IL13RA1: variants seen among roughly 807,000 people sequenced by gnomAD.
IL13RA1 encodes the protein interleukin-13 receptor subunit alpha-1.
In IL13RA1, 14 loss-of-function variants were observed where a neutral mutation model predicts 33.8. That is an observed-to-expected ratio of 0.41 (90% CI 0.27 to 0.65). IL13RA1 has a LOEUF of 0.65. Ranked by LOEUF, IL13RA1 falls within the 30% of genes least tolerant of loss-of-function variation. IL13RA1 has a pLI of 0.28. For missense variants in IL13RA1, 313 were observed against 327.0 expected, an observed-to-expected ratio of 0.96 and a Z score of 0.33; for synonymous variants, 116 against 115.7, an observed-to-expected ratio of 1.00 and a Z score of -0.02.
At chrX:118,742,759 G>A (rs2017358765) in intron 2 of IL13RA1, among the ~76,000 whole-genome samples, 1 of 110,882 alleles carries the variant, frequency 9.0e-6, no homozygotes, top group Non-Finnish European at 1.9e-5. Context: ...TTGGCGGGGG[G>A]CGGGTAATAA....
chrX:118,764,365 A>G (rs956213551), intron 6 of IL13RA1, among the ~76,000 whole-genome samples: 3 of 110,074 alleles, frequency 2.7e-5, no homozygotes, highest in African/African-American at 9.9e-5. Context: ...GGTCCAGGGG[A>G]GGAGGGACAT....
At chrX:118,746,703 C>T (rs1481717910) in intron 2 of IL13RA1, among the ~76,000 whole-genome samples, 2 of 109,953 alleles carry the variant, frequency 1.8e-5, no homozygotes, top group Admixed American at 9.8e-5. Context: ...TGTTTAGCAG[C>T]GTCCTTGACC....
intron 1 of IL13RA1, among the ~76,000 whole-genome samples, chrX:118,732,737 T>A (rs2017237019): frequency 8.9e-6 from 1 of 111,969 alleles, no homozygotes; most frequent in South Asian, 3.7e-4. Flanking sequence ...GATGAACTCA[T>A]CCTTTTTTAT....
At chrX:118,735,488 A>G (rs1352264439) in intron 1 of IL13RA1, among the ~76,000 whole-genome samples, 4 of 112,144 alleles carry the variant, frequency 3.6e-5, no homozygotes, top group Admixed American at 9.5e-5. Context: ...TGCATCGTCT[A>G]CATTTTAGAT....
At chrX:118,800,663 G>A in the IL13RA1 span, among the ~76,000 whole-genome samples, 1 of 111,512 alleles carries the variant, frequency 9.0e-6, no homozygotes, top group Non-Finnish European at 1.9e-5. Flanking sequence ...TCGGGACAGT[G>A]GCATGATCAC....
intron 2 of IL13RA1, among the ~76,000 whole-genome samples, chrX:118,746,687 G>A (rs1265489841): frequency 9.1e-6 from 1 of 110,209 alleles, no homozygotes; most frequent in Admixed American, 9.8e-5. Context: ...TGTGTGCATT[G>A]TAGGATGTTT....
At position 118,792,671 on chromosome X, in the gene IL13RA1, CAAAA is replaced by C. The variant is rs1443168969; in HGVS notation, c.*821_*824del. Reference sequence around the variant, plus strand: ...AAAAACAAAACAAAACAAAACAAAACAAAAAAACCTCTTAATATTCTGGAGTCAT... The same window carrying C: ...AAAAACAAAACAAAACAAAACAAAACAAACCTCTTAATATTCTGGAGTCAT... On this transcript the variant is annotated 3_prime_UTR_variant, in exon 11 of 11. Coordinates refer to ENST00000371666, the MANE Select transcript of IL13RA1 (RefSeq NM_001560.3). The C allele has an allele frequency of 8.9e-6, 1 of 112,132 alleles. No individual in the cohort carries two copies. The highest frequency in any genetic ancestry group is 9.5e-5 in the Admixed American group (1 of 10,505). 9.2% of individuals were successfully genotyped at this position (112,132 alleles called of 1,213,427 possible). A position where few individuals can be genotyped will look rare whatever the true frequency, so the allele number is the denominator to read the frequency against.
rs765835021 is a variant in IL13RA1, at chrX:118,757,678, C to CTTT, written c.489-349_489-347dup. Among the ~76,000 whole-genome samples the CTTT allele has an allele frequency of 3.4e-3, 200 of 58,354 alleles. 30 individuals are homozygous for CTTT. The highest frequency in any genetic ancestry group is 6.7e-3 in the Admixed American group (30 of 4,462). The allele number at this position is 58,354 out of a possible 115,157, so 50.7% of individuals were successfully genotyped here. The stretch of plus-strand genomic sequence containing the variant: ...TCTCAGTCATTAAAAAGAATTCTGC[C>CTTT]TTTTTTTTTTTTTTTTTTTTTTTTT... On this transcript the variant is annotated intron_variant, in intron 4 of 10. Coordinates refer to ENST00000371666, the MANE Select transcript of IL13RA1 (RefSeq NM_001560.3).
intron 10 of IL13RA1, among the ~76,000 whole-genome samples, chrX:118,786,213 AC>A (rs1162218235): frequency 1.8e-5 from 2 of 109,843 alleles, no homozygotes; most frequent in Non-Finnish European, 3.8e-5. Context: ...ACATAGCAAA[AC>A]CCCGTCTCTA....
rs949591263 is a variant in IL13RA1 at position 118,794,200 on chromosome X, T to C, written c.*2346T>C. The C allele has an allele frequency of 5.4e-5, 6 of 111,723 alleles. No homozygotes were observed. The highest frequency in any genetic ancestry group is 1.1e-4 in the Non-Finnish European group (6 of 53,104). 9.2% of individuals were successfully genotyped at this position (111,723 alleles called of 1,213,427 possible). A position where few individuals can be genotyped will look rare whatever the true frequency, so the allele number is the denominator to read the frequency against. On this transcript the variant is annotated 3_prime_UTR_variant, in exon 11 of 11. Coordinates refer to ENST00000371666, the MANE Select transcript of IL13RA1 (RefSeq NM_001560.3). ...GGAAAAGGGAGGGAAAAGGAAGTTATGGGAATACCTGTGGTGGTTGTGATC... is the reference window on the plus strand; with the variant it reads ...GGAAAAGGGAGGGAAAAGGAAGTTACGGGAATACCTGTGGTGGTTGTGATC...
chrX:118,743,635 T>C (rs185080114), intron 2 of IL13RA1, among the ~76,000 whole-genome samples: 1 of 112,087 alleles, frequency 8.9e-6, no homozygotes, highest in Non-Finnish European at 1.9e-5. Flanking sequence ...CCTTTCTTTT[T>C]GAGAAAGGAA....
chrX:118,758,271 A>G (rs750262137), intron 5 of IL13RA1, 29 bp downstream of exon 5: 4 of 642,713 alleles, frequency 6.2e-6, no homozygotes, highest in Non-Finnish European at 7.2e-6. Context: ...CTAAAACAGT[A>G]TGGATAAAAA....
At chrX:118,760,376 A>T (rs73591295) in intron 5 of IL13RA1, among the ~76,000 whole-genome samples, 3,370 of 111,974 alleles carry the variant, frequency 0.03, 123 homozygotes, top group African/African-American at 0.1. Context: ...TCAGAGACTA[A>T]GCCAATGTTT....
chrX:118,728,910 G>T (rs2017186207), intron 1 of IL13RA1, among the ~76,000 whole-genome samples: 1 of 111,688 alleles, frequency 9.0e-6, no homozygotes, highest in Non-Finnish European at 1.9e-5. Context: ...AGGGTGGATC[G>T]AGAAGAAAAC....
At chrX:118,770,805 C>A in intron 8 of IL13RA1, 1 of 309,935 alleles carries the variant, frequency 3.2e-6, no homozygotes, top group South Asian at 3.1e-5. Context: ...TCATGCTGGT[C>A]ATCTACATTA....
chrX:118,735,031 ATG>A (rs1177521472), intron 1 of IL13RA1, among the ~76,000 whole-genome samples: 2 of 110,911 alleles, frequency 1.8e-5, no homozygotes, highest in Non-Finnish European at 1.9e-5. Flanking sequence ...GTTTCTGGAA[ATG>A]TGTCCATTTC....
intron 8 of IL13RA1, among the ~76,000 whole-genome samples, chrX:118,771,464 T>C (rs754035751): frequency 7.1e-5 from 8 of 112,280 alleles, no homozygotes; most frequent in Non-Finnish European, 1.3e-4. Flanking sequence ...TGCTTGAAAC[T>C]GTGTTTTAAC....
intron 4 of IL13RA1, among the ~76,000 whole-genome samples, chrX:118,754,098 T>G (rs1289348062): frequency 1.8e-5 from 2 of 111,518 alleles, no homozygotes; most frequent in African/African-American, 6.5e-5. Flanking sequence ...ATTCTGTATC[T>G]TATCCCCTTA....
At chrX:118,790,440 T>C (rs757110521) in intron 10 of IL13RA1, among the ~76,000 whole-genome samples, 1 of 112,361 alleles carries the variant, frequency 8.9e-6, no homozygotes, top group Admixed American at 9.5e-5. Context: ...GTGAAAATGC[T>C]ATAAACATTC....
Sources: allele counts gnomAD v4.1 joint callset (sites outside exome capture counted in the v4.1 genomes callset), GRCh38; gene constraint gnomAD v4.1.1; transcripts MANE v1.5; gene names NCBI Gene and HGNC (gene_info 2026-07-23, HGNC 2026-07-21).